The following NUSAP1 variants were observed in gnomAD, a reference collection of about 807,000 sequenced individuals.
NUSAP1 encodes nucleolar and spindle-associated protein 1.
A neutral mutation model predicts 52.8 loss-of-function variants in NUSAP1; 32 were observed. The ratio of observed to expected loss-of-function variants is 0.61; its 90% CI spans 0.46 to 0.81. NUSAP1 has a LOEUF of 0.81. Among genes scored for constraint, NUSAP1 ranks in the 40% least tolerant of loss-of-function variants. NUSAP1 has a pLI of 0.00. For synonymous variants in NUSAP1, 195 were observed against 183.1 expected (o/e 1.06, Z -0.52); for missense variants, 499 against 522.3 (o/e 0.96, Z 0.43).
chr15:41,342,348 T>C (rs1017189377), intron 1 of NUSAP1, 38 bp from the exon 2 acceptor site: 1 of 1,373,886 alleles, frequency 7.3e-7, no homozygotes, highest in African/African-American at 1.5e-5. Flanking sequence ...TCCTTGTTTA[T>C]TTGACTTTTG....
At chr15:41,334,752 T>C (rs992928822) in intron 1 of NUSAP1, among the ~76,000 whole-genome samples, 11 of 151,936 alleles carry the variant, frequency 7.2e-5, no homozygotes, top group Non-Finnish European at 1.0e-4. Context: ...TTCACCATCT[T>C]GCCCAGGCTG....
chr15:41,338,128 C>T (rs2140514660), intron 1 of NUSAP1, among the ~76,000 whole-genome samples: 1 of 151,714 alleles, frequency 6.6e-6, no homozygotes, highest in African/African-American at 2.4e-5. Flanking sequence ...AGAGACAGGA[C>T]TTCACCATGT....
intron 2 of NUSAP1, among the ~76,000 whole-genome samples, chr15:41,344,876 T>C (rs928290103): frequency 1.3e-5 from 2 of 151,938 alleles, no homozygotes; most frequent in Non-Finnish European, 2.9e-5. Context: ...GGGATTCAGA[T>C]GTCGCAGTGA....
chr15:41,373,590 C>T (rs1375613658), intron 8 of NUSAP1, among the ~76,000 whole-genome samples: 1 of 151,278 alleles, frequency 6.6e-6, no homozygotes, highest in Non-Finnish European at 1.5e-5. Context: ...GCTGGGACTA[C>T]AAGTGCCCGC....
intron 1 of NUSAP1, among the ~76,000 whole-genome samples, chr15:41,333,729 T>TGG (rs1166299673): frequency 6.6e-6 from 1 of 152,152 alleles, no homozygotes; most frequent in East Asian, 1.9e-4. Context: ...GAGACCAGCC[T>TGG]GGCCCTTAAA....
chr15:41,333,027 C>T lies in NUSAP1; in HGVS notation c.70C>T (p.Leu24=), dbSNP rs1433178070. 3 of 1,611,130 alleles carry T rather than the reference C, an allele frequency of 1.9e-6. No individual in the cohort carries two copies. The highest frequency in any genetic ancestry group is 2.2e-5 in the South Asian group (2 of 90,476). Residue 24 remains leucine, a synonymous_variant, in exon 1 of 11, where the codon CTG becomes TTG. Transcript: ENST00000559596. ...TGACCTGCAGAACTTAGCCAAGAGT[C>T]TGGGTCTCCGGGCCAACCTGAGGGT... ...YSDLQNLAKS[L]GLRANLRATK... is the part of the protein sequence containing the mutation.
chr15:41,337,023 T>C (rs1250240860), intron 1 of NUSAP1, among the ~76,000 whole-genome samples: 9 of 140,642 alleles, frequency 6.4e-5, no homozygotes, highest in Non-Finnish European at 7.6e-5. Flanking sequence ...TTTTTTTTTT[T>C]TGAGACAGGG....
intron 6 of NUSAP1, among the ~76,000 whole-genome samples, chr15:41,362,806 C>A (rs79327543): frequency 0.015 from 2,324 of 152,156 alleles, 70 homozygotes; most frequent in African/African-American, 0.054. Flanking sequence ...ATTTATCCAA[C>A]TCTTCCTTTT....
chr15:41,333,339 A>G (rs1463024854), intron 1 of NUSAP1, among the ~76,000 whole-genome samples: 1 of 152,116 alleles, frequency 6.6e-6, no homozygotes, highest in Non-Finnish European at 1.5e-5. Flanking sequence ...AAATTACTGT[A>G]TACCTCTCAG....
chr15:41,368,529 T>C (rs2049513251), intron 7 of NUSAP1, among the ~76,000 whole-genome samples: 1 of 152,082 alleles, frequency 6.6e-6, no homozygotes, highest in Non-Finnish European at 1.5e-5. Context: ...CCTGTTTTTG[T>C]TTACTTGTAA....
chr15:41,358,223 C>A lies in NUSAP1; in HGVS notation c.625C>A (p.His209Asn). The change falls in exon 6 of 11, where the codon CAT becomes AAT. Residue 209 changes from histidine to asparagine, a missense_variant. His to Asn is a moderately conservative substitution (Grantham distance 68). Coordinates refer to ENST00000559596, the MANE Select transcript of NUSAP1 (RefSeq NM_016359.5). The stretch of plus-strand genomic sequence containing the variant: ...TCAATATATTGAGAGAAAAAAGAAA[C>A]ATTTTGAAGAACACAATTCCATGAA... The part of the protein sequence containing the change: ...IDQYIERKKK[H>N]FEEHNSMNEL... 1 of 1,562,556 alleles carries A rather than the reference C, an allele frequency of 6.4e-7. No individual in the cohort carries two copies. Among genetic ancestry groups the A allele is most frequent in the Non-Finnish European group, 8.8e-7 (1 of 1,138,648 alleles).
intron 2 of NUSAP1, chr15:41,345,747 C>T: frequency 4.2e-6 from 1 of 238,842 alleles, no homozygotes; most frequent in Non-Finnish European, 8.3e-6. Flanking sequence ...GGTGAGCCAC[C>T]GCATATGCTT....
At chr15:41,377,789 G>A (rs1238990159) in intron 10 of NUSAP1, among the ~76,000 whole-genome samples, 1 of 147,800 alleles carries the variant, frequency 6.8e-6, no homozygotes, top group Admixed American at 7.2e-5. Context: ...CAGATCACGA[G>A]GTCAGATCGA....
chr15:41,363,284 T>TAA (rs751252600), intron 6 of NUSAP1, among the ~76,000 whole-genome samples: 1 of 113,984 alleles, frequency 8.8e-6, no homozygotes, highest in Non-Finnish European at 1.8e-5. Context: ...AGTCTCCATC[T>TAA]AAAAAAAAAA....
intron 6 of NUSAP1, among the ~76,000 whole-genome samples, chr15:41,363,386 A>T (rs112527223): frequency 0.053 from 7,906 of 149,018 alleles, 446 homozygotes; most frequent in African/African-American, 0.15. Context: ...ATATATATAT[A>T]TTTTTTTAGA....
intron 4 of NUSAP1, among the ~76,000 whole-genome samples, chr15:41,354,080 A>AAAT (rs1567053280): frequency 6.6e-6 from 1 of 152,188 alleles, no homozygotes; most frequent in Non-Finnish European, 1.5e-5. Flanking sequence ...TGAAGTTAAA[A>AAAT]AATAATAATA....
At chr15:41,371,391 G>T in intron 7 of NUSAP1, 136 bp from the exon 8 acceptor site, 1 of 600,772 alleles carries the variant, frequency 1.7e-6, no homozygotes. Context: ...TTCTGCAAAA[G>T]AGGTTCGTTC....
intron 2 of NUSAP1, among the ~76,000 whole-genome samples, 154 bp from the exon 3 acceptor site, chr15:41,348,944 T>C (rs1320325394): frequency 6.6e-6 from 1 of 152,242 alleles, no homozygotes; most frequent in Non-Finnish European, 1.5e-5. Flanking sequence ...AAATACTCTA[T>C]AATTCTTGTC....
intron 8 of NUSAP1, among the ~76,000 whole-genome samples, chr15:41,373,737 C>G (rs189202546): frequency 6.6e-6 from 1 of 151,774 alleles, no homozygotes; most frequent in Non-Finnish European, 1.5e-5. Context: ...CATGAGCCAC[C>G]GCGCCCAGCC....
Sources: gnomAD v4.1 joint callset for allele counts (sites outside exome capture counted in the v4.1 genomes callset) on GRCh38, gnomAD v4.1.1 for gene constraint, MANE v1.5 for transcripts, NCBI Gene and HGNC (gene_info 2026-07-23, HGNC 2026-07-21) for gene names.